Variants in ZNF674 observed in about 807,000 individuals in gnomAD.
The protein encoded by ZNF674 is zinc finger family member 674.
In ZNF674, 2 loss-of-function variants were observed where a neutral mutation model predicts 7.0. The observed-to-expected ratio is 0.29, with a 90% CI of 0.12 to 0.90. The LOEUF is 0.90. ZNF674 is among the 40% of genes least tolerant of loss of function. ZNF674 has a pLI of 0.57. For synonymous variants in ZNF674, 103 were observed against 145.2 expected (o/e 0.71, Z 2.09); for missense variants, 297 against 415.5 (o/e 0.71, Z 2.48).
At position 46,499,897 on chromosome X, in the gene ZNF674, C is replaced by G; in HGVS notation, c.1677G>C (p.Gly559=). 22 of 1,163,746 alleles carry G rather than the reference C, an allele frequency of 1.9e-5. No homozygotes were observed. The highest frequency in any genetic ancestry group is 2.4e-5 in the Non-Finnish European group (21 of 872,040). The change falls in exon 6 of 6, where the codon GGG becomes GGC. Residue 559 remains glycine (G), a synonymous_variant. Transcript: ENST00000683375. ...TCTGATGTTTAATGAGAGTTGACTTCCCACTGAATGCTTTCCCACAGTCTC... is the reference window on the plus strand; with the variant it reads ...TCTGATGTTTAATGAGAGTTGACTTGCCACTGAATGCTTTCCCACAGTCTC... ...ECRDCGKAFS[G]KSTLIKHQRS...
At chrX:46,519,186 G>C (rs914524256) in intron 5 of ZNF674, among the ~76,000 whole-genome samples, 1 of 107,750 alleles carries the variant, frequency 9.3e-6, no homozygotes, top group Non-Finnish European at 1.9e-5. Context: ...CTGGGCAACA[G>C]AGCGAGACAC....
intron 1 of ZNF674, among the ~76,000 whole-genome samples, chrX:46,545,030 G>T (rs1942353794): frequency 9.0e-6 from 1 of 111,655 alleles, no homozygotes; most frequent in African/African-American, 3.3e-5. Context: ...CTACCTACGG[G>T]ACTTTGGACA....
At chrX:46,527,902 A>T (rs1942037807) in intron 5 of ZNF674, 2 of 143,213 alleles carry the variant, frequency 1.4e-5, no homozygotes, top group African/African-American at 6.4e-5. Flanking sequence ...TCTAAAAAAA[A>T]AAAAAAGACT....
At chrX:46,519,262 ATAAAGATAGATGATAGAT>A (rs1941849766) in intron 5 of ZNF674, among the ~76,000 whole-genome samples, 5 of 53,348 alleles carry the variant, frequency 9.4e-5, no homozygotes, top group African/African-American at 2.8e-4. Flanking sequence ...AGATAGATAG[ATAAAGATAGATGATAGAT>A]AGATAGATAG....
At chrX:46,513,046 C>CTT in intron 5 of ZNF674, among the ~76,000 whole-genome samples, 1 of 110,936 alleles carries the variant, frequency 9.0e-6, no homozygotes, top group East Asian at 2.8e-4. Flanking sequence ...AGGCAGATCA[C>CTT]GAGGTCAAGA....
chrX:46,512,062 A>G (rs896945426), intron 5 of ZNF674, among the ~76,000 whole-genome samples: 22 of 104,590 alleles, frequency 2.1e-4, no homozygotes, highest in Non-Finnish European at 4.3e-4. Flanking sequence ...GGCACAGCAG[A>G]GCAACTGGGT....
rs1569466188 is a variant in ZNF674, at chrX:46,501,342, GAA to G, written c.239-9_239-8del. The G allele has an allele frequency of 1.7e-6, 2 of 1,196,887 alleles. No homozygotes were observed. The highest frequency in any genetic ancestry group is 2.3e-6 in the Non-Finnish European group (2 of 887,919). On this transcript the variant is annotated splice_polypyrimidine_tract_variant and splice_region_variant and intron_variant, in intron 5 of 5. Transcript: ENST00000683375. ...TCGTCAACTTCCCAGACTTCTAGAA[GAA>G]AATGCAATGAATCATCAAACTTGTC... is the stretch of plus-strand genomic sequence containing the variant.
intron 3 of ZNF674, among the ~76,000 whole-genome samples, chrX:46,531,941 C>T: frequency 8.9e-6 from 1 of 111,769 alleles, no homozygotes; most frequent in African/African-American, 3.2e-5. Context: ...CCGAGGCAGG[C>T]GAATCACGAG....
At chrX:46,525,325 G>A (rs766283028) in intron 5 of ZNF674, 7 of 268,349 alleles carry the variant, frequency 2.6e-5, no homozygotes, top group Admixed American at 4.1e-5. Flanking sequence ...AAAAGAGGCC[G>A]GGCATGGTGG....
At chrX:46,542,570 C>A (rs1014972327) in intron 2 of ZNF674, among the ~76,000 whole-genome samples, 5 of 110,858 alleles carry the variant, frequency 4.5e-5, no homozygotes, top group Non-Finnish European at 7.6e-5. Context: ...AAAAAATTAG[C>A]TGGCGTGGTG....
intron 5 of ZNF674, among the ~76,000 whole-genome samples, chrX:46,514,530 T>C (rs67787043): frequency 0.037 from 4,127 of 111,125 alleles, 201 homozygotes; most frequent in African/African-American, 0.13. Flanking sequence ...CCCGGGGATA[T>C]ATTAAATAAC....
chrX:46,500,339 A>G lies in ZNF674; in HGVS notation c.1235T>C (p.Ile412Thr), dbSNP rs868197297. ...HTGEKPYECS[I>T]CGKTFSGKSH... ...CTTTCCACTGAAAGTCTTCCCACAT[A>G]TACTACATTCATAGGGTTTCTCTCC... The change falls in exon 6 of 6, where the codon ATA becomes ACA. Residue 412 changes from isoleucine (I) to threonine (T), a missense_variant. Ile to Thr is a moderately conservative substitution (Grantham distance 89, BLOSUM62 -1). Transcript: ENST00000683375. The G allele has an allele frequency of 5.0e-6, 6 of 1,207,748 alleles. No homozygotes were observed. The East Asian group carries it at 1.2e-4, about 24-fold the overall frequency.
In ZNF674 at chrX:46,501,018, G is replaced by A. The variant is rs757436014; in HGVS notation, c.556C>T (p.Pro186Ser). 10 of 1,205,821 alleles carry A rather than the reference G, an allele frequency of 8.3e-6. No homozygotes were observed. The highest frequency in any genetic ancestry group is 5.6e-6 in the Non-Finnish European group (5 of 892,339). ...CLHYNLHKAQ[P>S]AERFFDPNQR... ...TTAGGGTCAAAAAATCTCTCTGCAG[G>A]TTGAGCTTTATGAAGATTATAATGG... The change falls in exon 6 of 6, where the codon CCT becomes TCT. Residue 186 changes from proline (P) to serine (S), a missense_variant. Pro to Ser is a moderately conservative substitution (Grantham distance 74). Coordinates refer to ENST00000683375, the MANE Select transcript of ZNF674 (RefSeq NM_001190417.2).
intron 5 of ZNF674, among the ~76,000 whole-genome samples, chrX:46,520,674 T>C (rs1007555248): frequency 9.0e-6 from 1 of 110,546 alleles, no homozygotes; most frequent in Non-Finnish European, 1.9e-5. Flanking sequence ...AATGGGAAAA[T>C]AGAATAACAA....
intron 5 of ZNF674, among the ~76,000 whole-genome samples, chrX:46,517,601 C>T (rs925214416): frequency 2.7e-5 from 3 of 111,878 alleles, no homozygotes; most frequent in Non-Finnish European, 5.6e-5. Flanking sequence ...AAAAGGTACA[C>T]TGCCTACAAG....
intron 5 of ZNF674, among the ~76,000 whole-genome samples, chrX:46,511,959 G>C (rs1162423789): frequency 9.1e-6 from 1 of 109,727 alleles, no homozygotes; most frequent in Non-Finnish European, 1.9e-5. Flanking sequence ...AGAGGTGGAG[G>C]CTGCAATAAG....
At chrX:46,521,123 G>T (rs148777052) in intron 5 of ZNF674, among the ~76,000 whole-genome samples, 1,552 of 105,164 alleles carry the variant, frequency 0.015, 13 homozygotes, top group Non-Finnish European at 0.024. Flanking sequence ...GGAGGTGGAG[G>T]TTGCTCAGGA....
At chrX:46,505,256 GTGTT>G (rs896960857) in intron 5 of ZNF674, among the ~76,000 whole-genome samples, 5 of 112,034 alleles carry the variant, frequency 4.5e-5, no homozygotes, top group South Asian at 3.7e-4. Flanking sequence ...AAGTACAAGA[GTGTT>G]TGTTAAAATT....
chrX:46,538,142 A>C (rs1942233297), intron 3 of ZNF674, among the ~76,000 whole-genome samples: 2 of 111,395 alleles, frequency 1.8e-5, no homozygotes, highest in South Asian at 7.4e-4. Context: ...TATCCTCCTA[A>C]ATTTTTACCC....
Sources: allele counts gnomAD v4.1 joint callset (sites outside exome capture counted in the v4.1 genomes callset), GRCh38; gene constraint gnomAD v4.1.1; transcripts MANE v1.5; gene names NCBI Gene and HGNC (gene_info 2026-07-23, HGNC 2026-07-21).